The following NCKAP5 variants were observed in gnomAD, a reference collection of about 807,000 sequenced individuals.
The protein encoded by NCKAP5 is NCK associated protein 5.
A neutral mutation model predicts 167.0 loss-of-function variants in NCKAP5; 92 were observed. The observed-to-expected ratio is 0.55, with a 90% CI of 0.47 to 0.66. NCKAP5 has a LOEUF of 0.66. NCKAP5 is among the 30% of genes least tolerant of loss of function. The pLI, the probability that NCKAP5 is intolerant of heterozygous loss-of-function variation, is 0.00. For missense variants in NCKAP5, 2,378 were observed against 2,315.0 expected (o/e 1.03, Z -0.56); for synonymous variants, 891 against 877.4 (o/e 1.02, Z -0.27).
chr2:133,020,179 A>C (rs1415053447), intron 6 of NCKAP5, among the ~76,000 whole-genome samples: 5 of 152,244 alleles, frequency 3.3e-5, no homozygotes, highest in Admixed American at 1.3e-4. Context: ...ACATCATGGG[A>C]ATCCATCTTT....
intron 3 of NCKAP5, among the ~76,000 whole-genome samples, chr2:133,476,233 T>C (rs372060098): frequency 3.3e-5 from 5 of 152,180 alleles, no homozygotes; most frequent in African/African-American, 1.2e-4. Flanking sequence ...ATTTATACTT[T>C]CTGTCTTAAT....
intron 3 of NCKAP5, among the ~76,000 whole-genome samples, chr2:133,303,361 CA>C (rs1259115304): frequency 6.6e-6 from 1 of 152,126 alleles, no homozygotes; most frequent in Non-Finnish European, 1.5e-5. Context: ...TCCTCTTATT[CA>C]CAGAAGAAAG....
rs527710739 is a variant in NCKAP5 at position 133,325,674 on chromosome 2, G to A, written c.70-22564C>T. 3.3e-5 allele frequency among the ~76,000 whole-genome samples: 5 copies of A among 152,280 alleles called. No homozygotes were observed. The South Asian group carries it at 1.0e-3, about 32-fold the overall frequency. On this transcript the variant is annotated intron_variant, in intron 3 of 19. Coordinates refer to ENST00000409261, the MANE Select transcript of NCKAP5 (RefSeq NM_207363.3). ...CCCCGCAGCTCTGTGCACTCTATCTGCTCCCAGGGTAGAGTTTGTGACCTG... is the reference window on the plus strand; with the variant it reads ...CCCCGCAGCTCTGTGCACTCTATCTACTCCCAGGGTAGAGTTTGTGACCTG...
intron 3 of NCKAP5, among the ~76,000 whole-genome samples, chr2:133,317,990 C>T (rs901927312): frequency 1.3e-5 from 2 of 152,148 alleles, no homozygotes; most frequent in Admixed American, 6.5e-5. Context: ...TCCTCTTTCT[C>T]GTTTGCTATC....
chr2:133,455,061 T>G (rs1200510767), intron 3 of NCKAP5, among the ~76,000 whole-genome samples: 1 of 152,110 alleles, frequency 6.6e-6, no homozygotes, highest in Non-Finnish European at 1.5e-5. Flanking sequence ...AAATGCTAGA[T>G]GAAACACGAT....
chr2:133,340,029 C>T (rs748672857), intron 3 of NCKAP5, among the ~76,000 whole-genome samples: 1 of 152,134 alleles, frequency 6.6e-6, no homozygotes, highest in Non-Finnish European at 1.5e-5. Flanking sequence ...ACTCTTGTGC[C>T]CTACAGACAC....
Position 133,242,351 on chromosome 2 carries a change from T to G in NCKAP5, c.144-28572A>C, listed in dbSNP as rs1337378130. Among the ~76,000 whole-genome samples the G allele has an allele frequency of 2.6e-5, 4 of 151,930 alleles. No homozygotes were observed. The South Asian group carries it at 8.3e-4, about 32-fold the overall frequency. ...ATAATGAAAGACAGATAGCCTTGTC[T>G]CAAGAAAAGTAAAAGCAAGAAAGTA... On this transcript the variant is annotated intron_variant, in intron 4 of 19. Coordinates refer to ENST00000409261, the MANE Select transcript of NCKAP5 (RefSeq NM_207363.3).
intron 6 of NCKAP5, among the ~76,000 whole-genome samples, chr2:133,055,147 T>G (rs2149495569): frequency 6.6e-6 from 1 of 152,118 alleles, no homozygotes; most frequent in East Asian, 1.9e-4. Flanking sequence ...GAGTCTTGAG[T>G]TGATACTAAA....
chr2:133,661,422 G>C, the NCKAP5 span, among the ~76,000 whole-genome samples: 2 of 152,148 alleles, frequency 1.3e-5, no homozygotes, highest in South Asian at 2.1e-4. Flanking sequence ...ATTTAAAATG[G>C]AGAGATTTTG....
intron 6 of NCKAP5, among the ~76,000 whole-genome samples, chr2:133,101,042 C>A (rs1345253668): frequency 6.6e-6 from 1 of 151,936 alleles, no homozygotes; most frequent in South Asian, 2.1e-4. Context: ...TTAGGTCTAA[C>A]GTTTAAACCT....
At chr2:133,047,723 C>G (rs2079450140) in intron 6 of NCKAP5, among the ~76,000 whole-genome samples, 1 of 152,080 alleles carries the variant, frequency 6.6e-6, no homozygotes, top group South Asian at 2.1e-4. Flanking sequence ...GCTGGCTGAA[C>G]TAGCTTGTTT....
At chr2:132,982,430 T>C (rs1478551627) in intron 7 of NCKAP5, among the ~76,000 whole-genome samples, 1 of 152,184 alleles carries the variant, frequency 6.6e-6, no homozygotes, top group African/African-American at 2.4e-5. Context: ...TCTTCACAAA[T>C]TCCCCAACCA....
At chr2:133,006,334 T>C (rs1316200493) in intron 6 of NCKAP5, among the ~76,000 whole-genome samples, 1 of 152,208 alleles carries the variant, frequency 6.6e-6, no homozygotes, top group African/African-American at 2.4e-5. Context: ...ACCATGCTTT[T>C]AAAAGTTTGA....
intron 5 of NCKAP5, among the ~76,000 whole-genome samples, chr2:133,158,536 G>A (rs2083664292): frequency 6.6e-6 from 1 of 152,080 alleles, no homozygotes; most frequent in Non-Finnish European, 1.5e-5. Flanking sequence ...TAAATAAGGG[G>A]CTACCTACTC....
chr2:133,191,897 A>G (rs2085241046), intron 5 of NCKAP5, among the ~76,000 whole-genome samples: 1 of 152,092 alleles, frequency 6.6e-6, no homozygotes, highest in Admixed American at 6.6e-5. Context: ...GTGCACATGT[A>G]CCCTAGAACT....
the NCKAP5 span, among the ~76,000 whole-genome samples, chr2:133,656,955 A>T: frequency 4.0e-5 from 6 of 151,226 alleles, no homozygotes; most frequent in Non-Finnish European, 7.4e-5. Context: ...CCCAAAGTCC[A>T]TTGTATCATT....
chr2:133,294,425 T>G (rs2150529155), intron 4 of NCKAP5, among the ~76,000 whole-genome samples: 1 of 152,294 alleles, frequency 6.6e-6, no homozygotes, highest in East Asian at 1.9e-4. Flanking sequence ...GCCTGACTCT[T>G]CTCAGAGAGC....
intron 8 of NCKAP5, among the ~76,000 whole-genome samples, chr2:132,908,753 C>T (rs1278972076): frequency 6.6e-6 from 1 of 152,182 alleles, no homozygotes; most frequent in Admixed American, 6.5e-5. Flanking sequence ...GCTACCTTCC[C>T]AGTTTGGATT....
intron 8 of NCKAP5, among the ~76,000 whole-genome samples, chr2:132,931,988 C>G (rs76740559): frequency 6.6e-6 from 1 of 152,094 alleles, no homozygotes; most frequent in Non-Finnish European, 1.5e-5. Context: ...GCATATTCAC[C>G]GTACAGGAAA....
Sources: gnomAD v4.1 joint callset for allele counts (sites outside exome capture counted in the v4.1 genomes callset) on GRCh38, gnomAD v4.1.1 for gene constraint, MANE v1.5 for transcripts, NCBI Gene and HGNC (gene_info 2026-07-23, HGNC 2026-07-21) for gene names.